Variants in TBX19 observed in about 807,000 individuals in gnomAD.
TBX19 encodes the protein T-box transcription factor TBX19.
In TBX19, 33 loss-of-function variants were observed where a neutral mutation model predicts 40.9. That is an observed-to-expected ratio of 0.81 (90% CI 0.61 to 1.08). TBX19 has a LOEUF of 1.08. Among genes scored for constraint, TBX19 ranks in the 50% least tolerant of loss-of-function variants. The probability of loss-of-function intolerance (pLI) is 0.00; values close to 1 mark genes in which losing one functional copy is unlikely to be tolerated. For missense variants in TBX19, 494 were observed against 574.0 expected (o/e 0.86, Z 1.42); for synonymous variants, 220 against 225.0 (o/e 0.98, Z 0.20).
chr1:168,292,842 T>C (rs190065708), intron 2 of TBX19, among the ~76,000 whole-genome samples: 1,510 of 124,060 alleles, frequency 0.012, 13 homozygotes, highest in Middle Eastern at 0.031. Flanking sequence ...CCAGCCTGGG[T>C]GACAGAGCGA....
At chr1:168,298,911 CTT>C (rs1364882382) in intron 4 of TBX19, among the ~76,000 whole-genome samples, 1 of 136,960 alleles carries the variant, frequency 7.3e-6, no homozygotes, top group Non-Finnish European at 1.6e-5. Context: ...CTCTCTCTCT[CTT>C]TCTTTCATTC....
At position 168,305,334 on chromosome 1, in the gene TBX19, T is replaced by C. The variant is rs1193706768; in HGVS notation, c.916+138T>C. On this transcript the variant is annotated intron_variant, in intron 6 of 7. Transcript: ENST00000367821. ...AATATACATCTATGATATGATTGTT[T>C]TTGTGTTTTATTTTATTGTTATTTT... is the stretch of plus-strand genomic sequence containing the variant. 5.2e-6 allele frequency: 4 copies of C among 774,134 alleles called. No individual in the cohort carries two copies. The East Asian group carries it at 1.0e-4, about 20-fold the overall frequency. 48.0% of individuals were successfully genotyped at this position (774,134 alleles called of 1,614,324 possible). A position where few individuals can be genotyped will look rare whatever the true frequency, so the allele number is the denominator to read the frequency against.
rs901895946 is a variant in TBX19, at chr1:168,291,419, G to A, written c.463G>A (p.Gly155Arg). Residue 155 changes from glycine to arginine, a missense_variant, in exon 2 of 8, where the codon GGG (glycine) becomes AGG (arginine). Gly to Arg is a moderately radical substitution (Grantham distance 125). Around this residue, in one of 3 missense-constraint regions of TBX19, gnomAD observed 201 missense variants for 235.2 expected, o/e 0.85. Transcript: ENST00000367821. ...VKLTNKLNGG[G>R]QIMLNSLHKY... ...GCTGACCAACAAGCTCAATGGAGGC[G>A]GGCAGGTACGAATGAGGCGGGCAGG... The A allele has an allele frequency of 1.2e-6, 2 of 1,614,114 alleles. No individual in the cohort carries two copies. Among genetic ancestry groups the A allele is most frequent in the Non-Finnish European group, 1.7e-6 (2 of 1,180,020 alleles).
chr1:168,302,686 C>A lies in TBX19; in HGVS notation c.727+2203C>A, dbSNP rs192190806. ...GAAAAAGAAGAAAAAAGGAAAAAAA[C>A]CCCAAAACCAAAAAAAAACCCCAAA... On this transcript the variant is annotated intron_variant, in intron 5 of 7. Coordinates refer to ENST00000367821, the MANE Select transcript of TBX19 (RefSeq NM_005149.3). 6.6e-4 allele frequency among the ~76,000 whole-genome samples: 100 copies of A among 151,196 alleles called. 1 individual carries two copies. The East Asian group carries it at 0.013, about 20-fold the overall frequency.
At chr1:168,289,984 G>A (rs1648898591) in intron 1 of TBX19, among the ~76,000 whole-genome samples, 2 of 152,096 alleles carry the variant, frequency 1.3e-5, no homozygotes, top group African/African-American at 4.8e-5. Context: ...GCCTGAGGTT[G>A]AGAGTTTGAG....
At chr1:168,288,058 A>G (rs1039355458) in intron 1 of TBX19, among the ~76,000 whole-genome samples, 5 of 152,212 alleles carry the variant, frequency 3.3e-5, no homozygotes, top group African/African-American at 1.2e-4. Flanking sequence ...TCCTAGGTGC[A>G]GAGTAAAACT....
At chr1:168,290,799 C>A (rs1367350644) in intron 1 of TBX19, among the ~76,000 whole-genome samples, 1 of 151,928 alleles carries the variant, frequency 6.6e-6, no homozygotes, top group Non-Finnish European at 1.5e-5. Context: ...AAATAGTGTT[C>A]TTTGTGAGGT....
intron 6 of TBX19, among the ~76,000 whole-genome samples, chr1:168,305,918 A>G (rs1395522290): frequency 6.6e-6 from 1 of 152,242 alleles, no homozygotes; most frequent in Non-Finnish European, 1.5e-5. Context: ...GATCGACTAT[A>G]TGCCAGGCTC....
intron 1 of TBX19, among the ~76,000 whole-genome samples, chr1:168,286,681 A>G (rs1021365335): frequency 6.6e-6 from 1 of 152,214 alleles, no homozygotes; most frequent in Non-Finnish European, 1.5e-5. Flanking sequence ...TAATGTTGCT[A>G]TGTACCTCTG....
intron 4 of TBX19, among the ~76,000 whole-genome samples, chr1:168,298,824 T>TTTCCTTCC (rs1553289841): frequency 0.067 from 896 of 13,326 alleles, 263 homozygotes; most frequent in Middle Eastern, 0.25. Flanking sequence ...CCTCCCTTCC[T>TTTCCTTCC]TTCTTTCTTT....
chr1:168,303,448 TGTAACCACCTGATA>T (rs1649326140), intron 5 of TBX19, among the ~76,000 whole-genome samples: 1 of 152,230 alleles, frequency 6.6e-6, no homozygotes, highest in African/African-American at 2.4e-5. Flanking sequence ...TTGATAGGAC[TGTAACCACCTGATA>T]GGTTCTTCCT....
intron 6 of TBX19, chr1:168,308,260 G>A (rs949540480): frequency 4.8e-5 from 9 of 186,274 alleles, no homozygotes; most frequent in African/African-American, 2.1e-4. Flanking sequence ...AGGATTACAG[G>A]TGTGGGCACC....
At chr1:168,305,499 C>G (rs975090220) in intron 6 of TBX19, among the ~76,000 whole-genome samples, 1 of 152,202 alleles carries the variant, frequency 6.6e-6, no homozygotes, top group Non-Finnish European at 1.5e-5. Flanking sequence ...AGGCAGATCT[C>G]TAAAAGCCAT....
At chr1:168,307,605 G>T (rs1572483446) in intron 6 of TBX19, among the ~76,000 whole-genome samples, 1 of 152,002 alleles carries the variant, frequency 6.6e-6, no homozygotes, top group Non-Finnish European at 1.5e-5. Context: ...ATAGACGTTG[G>T]AATCTTCCTT....
At position 168,296,846 on chromosome 1, in the gene TBX19, C is replaced by A. The variant is rs139062568; in HGVS notation, c.604-878C>A. Among the ~76,000 whole-genome samples the A allele has an allele frequency of 8.0e-5, 12 of 150,930 alleles. No individual in the cohort carries two copies. In the East Asian group the frequency reaches 2.4e-3, roughly 30 times the overall value. On this transcript the variant is annotated intron_variant, in intron 3 of 7. Coordinates refer to ENST00000367821, the MANE Select transcript of TBX19 (RefSeq NM_005149.3). ...CCAAGATTGAGCTACTGTACTCCAG[C>A]CTGGGAGCAAGACTCCCGTCTCAAA...
chr1:168,305,341 T>C (rs1325639721), intron 6 of TBX19, 145 bp downstream of exon 6: 5 of 745,448 alleles, frequency 6.7e-6, no homozygotes, highest in Admixed American at 5.1e-5. Flanking sequence ...GTTTTTGTGT[T>C]TTATTTTATT....
chr1:168,305,727 CTGTT>C (rs956857348), intron 6 of TBX19, among the ~76,000 whole-genome samples: 4 of 152,156 alleles, frequency 2.6e-5, no homozygotes, highest in East Asian at 3.8e-4. Context: ...TTTTTGCTGT[CTGTT>C]TGTTTTAAGT....
chr1:168,298,837 T>C (rs1377661245), intron 4 of TBX19, among the ~76,000 whole-genome samples: 1,459 of 15,658 alleles, frequency 0.093, 281 homozygotes, highest in African/African-American at 0.24. Context: ...CTTTCTTTCT[T>C]TCTTTCTTTC....
In TBX19 at chr1:168,291,360, G is replaced by C; in HGVS notation, c.404G>C (p.Trp135Ser). The C allele has an allele frequency of 1.2e-6, 2 of 1,614,216 alleles. No homozygotes were observed. The highest frequency in any genetic ancestry group is 1.7e-6 in the Non-Finnish European group (2 of 1,180,040). Reference protein sequence around the residue: ...HPDSPNFGAHWMKAPISFSKV... With the variant: ...HPDSPNFGAHSMKAPISFSKV... Reference sequence around the variant, plus strand: ...GACTCCCCCAACTTTGGGGCCCACTGGATGAAAGCTCCCATCTCCTTCAGC... The same window carrying C: ...GACTCCCCCAACTTTGGGGCCCACTCGATGAAAGCTCCCATCTCCTTCAGC... The change falls in exon 2 of 8, where the codon TGG becomes TCG. Residue 135 changes from tryptophan to serine, a missense_variant. Around this residue, in one of 3 missense-constraint regions of TBX19, gnomAD observed 201 missense variants for 235.2 expected, o/e 0.85. Coordinates refer to ENST00000367821, the MANE Select transcript of TBX19 (RefSeq NM_005149.3).
Sources: allele counts gnomAD v4.1 joint callset (sites outside exome capture counted in the v4.1 genomes callset), GRCh38; gene constraint gnomAD v4.1.1; regional missense constraint gnomAD v4.1.1; transcripts MANE v1.5; gene names NCBI Gene and HGNC (gene_info 2026-07-23, HGNC 2026-07-21).